The following PTP4A3 variants were observed in gnomAD, a reference collection of about 807,000 sequenced individuals.
PTP4A3 encodes the protein protein tyrosine phosphatase type IVA 3.
PTP4A3 carries 9 observed loss-of-function variants against 15.2 expected under a neutral mutation model. The observed-to-expected ratio is 0.59, with a 90% CI of 0.36 to 1.03. The LOEUF is 1.03. Ranked by LOEUF, PTP4A3 falls within the 50% of genes least tolerant of loss-of-function variation. The pLI is 0.02. For synonymous variants in PTP4A3, 95 were observed against 102.0 expected, an observed-to-expected ratio of 0.93 and a Z score of 0.41; for missense variants, 234 against 252.1, an observed-to-expected ratio of 0.93 and a Z score of 0.49.
intron 1 of PTP4A3, among the ~76,000 whole-genome samples, chr8:141,403,055 G>A (rs971024653): frequency 7.9e-5 from 12 of 152,164 alleles, no homozygotes; most frequent in African/African-American, 2.9e-4. Context: ...AGCAGCCCTG[G>A]GGTGTGGGTG....
chr8:141,421,982 T>A lies in PTP4A3; in HGVS notation c.-259T>A. The A allele has an allele frequency of 2.2e-6, 1 of 447,246 alleles. No individual in the cohort carries two copies. The highest frequency in any genetic ancestry group is 3.7e-5 in the South Asian group (1 of 26,710). The allele number at this position is 447,246 out of a possible 1,614,324, so 27.7% of individuals were successfully genotyped here. ...GGTTGGGTTGGGGGGGGCGGCGGGC[T>A]GTTTTGTTCCTTTTCTTTTTTAAGA... On this transcript the variant is annotated 5_prime_UTR_variant, in exon 2 of 6. Transcript: ENST00000521578.
intron 2 of PTP4A3, among the ~76,000 whole-genome samples, chr8:141,424,065 G>A (rs1376652893): frequency 2.6e-5 from 4 of 151,958 alleles, no homozygotes; most frequent in Non-Finnish European, 5.9e-5. Context: ...TGGGCTGGGT[G>A]GCCATTCCCT....
chr8:141,421,243 G>A (rs1833314149), intron 1 of PTP4A3, 145 bp from the exon 2 acceptor site: 1 of 152,348 alleles, frequency 6.6e-6, no homozygotes, highest in African/African-American at 2.4e-5. Flanking sequence ...AGACCCAAAA[G>A]GGTCATTCTC....
intron 1 of PTP4A3, among the ~76,000 whole-genome samples, chr8:141,395,615 C>G (rs1238464265): frequency 6.8e-6 from 1 of 146,016 alleles, no homozygotes; most frequent in East Asian, 2.1e-4. Flanking sequence ...TTCATCTACC[C>G]AGGATAGGTG....
chr8:141,402,549 C>A (rs1261862261), intron 1 of PTP4A3, among the ~76,000 whole-genome samples: 2 of 152,196 alleles, frequency 1.3e-5, no homozygotes, highest in Admixed American at 1.3e-4. Flanking sequence ...GCCTTGCGCC[C>A]TGTGTTCTTG....
At chr8:141,407,947 T>C (rs1832771661) in intron 1 of PTP4A3, among the ~76,000 whole-genome samples, 1 of 151,976 alleles carries the variant, frequency 6.6e-6, no homozygotes, top group Non-Finnish European at 1.5e-5. Flanking sequence ...GTTAGTGTAT[T>C]TTATGTGTGG....
rs1247481274 is a variant in PTP4A3, at chr8:141,424,994, CCT to C, written c.106-53_106-52del. On this transcript the variant is annotated intron_variant, in intron 2 of 5. Transcript: ENST00000521578. ...GAGCCCTGGTGAGTGGGTCCTGCCC[CCT>C]GAGCCCTGCAGCCCCAGCCCAGCCC... 5.4e-6 allele frequency: 8 copies of C among 1,485,194 alleles called. No individual in the cohort carries two copies. In the East Asian group the frequency reaches 1.4e-4, roughly 26 times the overall value. The allele number at this position is 1,485,194 out of a possible 1,614,324, so 92.0% of individuals were successfully genotyped here.
intron 1 of PTP4A3, among the ~76,000 whole-genome samples, chr8:141,410,844 C>G (rs7004061): frequency 0.45 from 68,287 of 151,760 alleles, 18,698 homozygotes; most frequent in African/African-American, 0.77. Flanking sequence ...CCAGGCCTTG[C>G]GGGTGGAAAG....
At chr8:141,417,466 A>T (rs1833100000) in intron 1 of PTP4A3, among the ~76,000 whole-genome samples, 1 of 152,012 alleles carries the variant, frequency 6.6e-6, no homozygotes, top group South Asian at 2.1e-4. Flanking sequence ...AGGGTGCAGG[A>T]CAGCACCTGC....
Position 141,427,804 on chromosome 8 carries a change from C to A in PTP4A3, c.384C>A (p.Asp128Glu), listed in dbSNP as rs771529396. Residue 128 changes from aspartate (D) to glutamate (E), a missense_variant, in exon 5 of 6, where the codon GAC (aspartate) becomes GAA (glutamate). Physicochemically the swap from Asp to Glu is conservative, Grantham distance 45. Transcript: ENST00000521578. ...ALIESGMKYE[D>E]AIQFIRQKRR... ...TTGAGAGCGGGATGAAGTACGAGGA[C>A]GCCATCCAGTTCATCCGCCAGTGAG... is the stretch of plus-strand genomic sequence containing the variant. 6.4e-7 allele frequency: 1 copy of A among 1,551,088 alleles called. No individual in the cohort carries two copies. The highest frequency in any genetic ancestry group is 8.7e-7 in the Non-Finnish European group (1 of 1,147,248).
At chr8:141,415,956 T>C (rs987940422) in intron 1 of PTP4A3, among the ~76,000 whole-genome samples, 1 of 151,906 alleles carries the variant, frequency 6.6e-6, no homozygotes, top group African/African-American at 2.4e-5. Flanking sequence ...TTGGGCCCGC[T>C]CTGGGAGGAT....
At chr8:141,394,536 C>T (rs1832388691) in intron 1 of PTP4A3, among the ~76,000 whole-genome samples, 2 of 152,180 alleles carry the variant, frequency 1.3e-5, no homozygotes, top group Admixed American at 6.5e-5. Flanking sequence ...TGCAGCAGCC[C>T]GAGGCTGGGC....
Position 141,428,058 on chromosome 8 carries a change from C to T in PTP4A3, c.404+234C>T, listed in dbSNP as rs140374140. 5.5e-4 allele frequency among the ~76,000 whole-genome samples: 83 copies of T among 152,236 alleles called. 1 individual carries two copies. The highest frequency in any genetic ancestry group is 1.9e-3 in the African/African-American group (80 of 41,526). Reference sequence around the variant, plus strand: ...AGGGACACAGCGAGGCCACCCGCCACGCCGTCCTGCCCGCCCTCCACAGAC... The same window carrying T: ...AGGGACACAGCGAGGCCACCCGCCATGCCGTCCTGCCCGCCCTCCACAGAC... On this transcript the variant is annotated intron_variant, in intron 5 of 5. Transcript: ENST00000521578.
rs576568609 is a variant in PTP4A3, at chr8:141,423,489, G to A, written c.105+1144G>A. ...CTCTGTGTGACCAGGGTCAGGGTTC[G>A]GTGTGTGTCTGGGATCAGGGCTCAA... is the stretch of plus-strand genomic sequence containing the variant. On this transcript the variant is annotated intron_variant, in intron 2 of 5. Transcript: ENST00000521578. Among the ~76,000 whole-genome samples, 68 of 151,120 alleles carry A rather than the reference G, an allele frequency of 4.5e-4. No individual in the cohort carries two copies. The South Asian group carries it at 0.013, about 29-fold the overall frequency.
intron 1 of PTP4A3, among the ~76,000 whole-genome samples, chr8:141,414,752 A>C (rs1420938071): frequency 6.6e-6 from 1 of 151,772 alleles, no homozygotes; most frequent in African/African-American, 2.4e-5. Flanking sequence ...TGGACTTCTT[A>C]GTGACCGCTC....
At chr8:141,426,918 C>G in intron 3 of PTP4A3, 21 bp from the exon 4 acceptor site, 2 of 1,609,066 alleles carry the variant, frequency 1.2e-6, no homozygotes, top group Non-Finnish European at 1.7e-6. Context: ...CGGGGGTCCT[C>G]ATGTCTGCTT....
At chr8:141,393,787 T>C (rs1336189792) in intron 1 of PTP4A3, among the ~76,000 whole-genome samples, 2 of 152,164 alleles carry the variant, frequency 1.3e-5, no homozygotes, top group Non-Finnish European at 2.9e-5. Context: ...AGTCAGGCAC[T>C]GGACATGGGA....
At position 141,406,098 on chromosome 8, in the gene PTP4A3, G is replaced by A. The variant is rs1438847269; in HGVS notation, c.-854+14014G>A. On this transcript the variant is annotated intron_variant, in intron 1 of 5. Transcript: ENST00000521578. This position sits in a 1 kb window ranked among gnomAD's most constrained non-coding sequence, Gnocchi z 4.5. The stretch of plus-strand genomic sequence containing the variant: ...GCGGAGGGGGCTATGATCTGACTTA[G>A]GTCGAGGACACTGGTGGGGGCAGTG... Among the ~76,000 whole-genome samples, 1 of 152,158 alleles carries A rather than the reference G, an allele frequency of 6.6e-6. No individual in the cohort carries two copies. Among genetic ancestry groups the A allele is most frequent in the Non-Finnish European group, 1.5e-5 (1 of 68,020 alleles).
chr8:141,405,067 A>G lies in PTP4A3; in HGVS notation c.-854+12983A>G, dbSNP rs141542948. On this transcript the variant is annotated intron_variant, in intron 1 of 5. Transcript: ENST00000521578. ...CTGGGGACCTGGCATGGGTCAGTCA[A>G]CGCTCCCTGTCTGCCGCCCACAGTC... 6.3e-3 allele frequency among the ~76,000 whole-genome samples: 961 copies of G among 152,294 alleles called. 3 individuals are homozygous for G. Among genetic ancestry groups the G allele is most frequent in the Non-Finnish European group, 8.3e-3 (565 of 68,012 alleles).
Sources: gnomAD v4.1 joint callset for allele counts (sites outside exome capture counted in the v4.1 genomes callset) on GRCh38, gnomAD v4.1.1 for gene constraint, Gnocchi (gnomAD v3.1) non-coding constraint, MANE v1.5 for transcripts, NCBI Gene and HGNC (gene_info 2026-07-23, HGNC 2026-07-21) for gene names.